The following EBF2 variants were observed in gnomAD, a reference collection of about 807,000 sequenced individuals.
EBF2 encodes the protein EBF transcription factor 2.
A neutral mutation model predicts 72.8 loss-of-function variants in EBF2; 21 were observed. The ratio of observed to expected loss-of-function variants is 0.29; its 90% CI spans 0.20 to 0.42. The LOEUF is 0.42. Among genes scored for constraint, EBF2 ranks in the 10% least tolerant of loss-of-function variants. The pLI, the probability that EBF2 is intolerant of heterozygous loss-of-function variation, is 1.00. For missense variants in EBF2, 637 were observed against 731.2 expected, an observed-to-expected ratio of 0.87 and a Z score of 1.49; for synonymous variants, 299 against 274.2, an observed-to-expected ratio of 1.09 and a Z score of -0.89.
chr8:25,912,370 C>T (rs901318608), intron 6 of EBF2, among the ~76,000 whole-genome samples: 1 of 151,602 alleles, frequency 6.6e-6, no homozygotes, highest in Non-Finnish European at 1.5e-5. Context: ...TAGAAACCAT[C>T]GCATTATACA....
intron 6 of EBF2, among the ~76,000 whole-genome samples, chr8:26,030,046 G>A (rs1805372897): frequency 1.3e-5 from 2 of 152,056 alleles, no homozygotes; most frequent in African/African-American, 4.8e-5. Flanking sequence ...TGAGTATCTA[G>A]GGCCACAGGT....
At position 25,926,242 on chromosome 8, in the gene EBF2, G is replaced by A. The variant is rs187943962; in HGVS notation, c.552-17687C>T. Among the ~76,000 whole-genome samples, 906 of 152,184 alleles carry A rather than the reference G, an allele frequency of 6.0e-3. 4 individuals are homozygous for A. The highest frequency in any genetic ancestry group is 0.011 in the Non-Finnish European group (715 of 68,012). On this transcript the variant is annotated intron_variant, in intron 6 of 15. Transcript: ENST00000520164. ...CGTATGGTGGCCTGGTTGAGAAGTCGAGGGTTTCTGTGTATTCTCTGGCCC... is the reference window on the plus strand; with the variant it reads ...CGTATGGTGGCCTGGTTGAGAAGTCAAGGGTTTCTGTGTATTCTCTGGCCC...
At chr8:25,907,626 C>G (rs1465021314) in intron 7 of EBF2, among the ~76,000 whole-genome samples, 1 of 151,938 alleles carries the variant, frequency 6.6e-6, no homozygotes, top group Non-Finnish European at 1.5e-5. Flanking sequence ...CCTTCCAGAA[C>G]CTCGCTTGTC....
At position 25,847,624 on chromosome 8, in the gene EBF2, C is replaced by A. The variant is rs556020689; in HGVS notation, c.1696+2970G>T. Among the ~76,000 whole-genome samples, 6 of 152,214 alleles carry A rather than the reference C, an allele frequency of 3.9e-5. No homozygotes were observed. In the East Asian group the frequency reaches 1.2e-3, roughly 29 times the overall value. On this transcript the variant is annotated intron_variant, in intron 15 of 15. Transcript: ENST00000520164. ...AACAACCACCTTTGGGGATAGCTGTCGATTTTCTATTTAACAGACTAGGAA... is the reference window on the plus strand; with the variant it reads ...AACAACCACCTTTGGGGATAGCTGTAGATTTTCTATTTAACAGACTAGGAA...
rs1802440752 is a variant in EBF2, at chr8:25,871,613, C to T, written c.1010-8816G>A. On this transcript the variant is annotated intron_variant, in intron 10 of 15. Coordinates refer to ENST00000520164, the MANE Select transcript of EBF2 (RefSeq NM_022659.4). ...GGGAATTCAAGAGAGAAAACTCAGA[C>T]ATGAGAATTTCGTCTTTGCTATACA... Among the ~76,000 whole-genome samples the T allele has an allele frequency of 2.0e-5, 3 of 152,300 alleles. No homozygotes were observed. The South Asian group carries it at 6.2e-4, about 32-fold the overall frequency.
chr8:25,976,603 C>T (rs1804272413), intron 6 of EBF2, among the ~76,000 whole-genome samples: 1 of 151,764 alleles, frequency 6.6e-6, no homozygotes, highest in African/African-American at 2.4e-5. Flanking sequence ...ATGCTCATGC[C>T]TTTTGTATTC....
chr8:25,945,476 G>A (rs1294344492), intron 6 of EBF2, among the ~76,000 whole-genome samples: 3 of 151,952 alleles, frequency 2.0e-5, no homozygotes, highest in Non-Finnish European at 4.4e-5. Flanking sequence ...CACCTGGTTA[G>A]AGAAGTAAAA....
chr8:26,036,220 GA>G (rs1805499007), intron 5 of EBF2, among the ~76,000 whole-genome samples: 1 of 152,188 alleles, frequency 6.6e-6, no homozygotes, highest in Non-Finnish European at 1.5e-5. Flanking sequence ...CTTCCGTGGG[GA>G]TTTCCTCTGG....
In EBF2 at chr8:26,044,759, C is replaced by G; in HGVS notation, c.101G>C (p.Gly34Ala). 6.2e-7 allele frequency: 1 copy of G among 1,614,200 alleles called. No individual in the cohort carries two copies. The highest frequency in any genetic ancestry group is 8.5e-7 in the Non-Finnish European group (1 of 1,180,036). ...DSVRSWVRNV[G>A]VVDANVAAQS... ...CGCGGCGACATTAGCGTCCACCACT[C>G]CGACATTCCGGACCCAGGACCTGAC... The change falls in exon 1 of 16, where the codon GGA becomes GCA. Residue 34 changes from glycine (G) to alanine (A), a missense_variant. By Grantham distance (60) the Gly-to-Ala change is moderately conservative. Transcript: ENST00000520164. The surrounding 1 kb of genome is among the most constrained non-coding windows in gnomAD (Gnocchi z 4.1).
At chr8:25,903,864 A>C (rs553848136) in intron 7 of EBF2, among the ~76,000 whole-genome samples, 27 of 152,338 alleles carry the variant, frequency 1.8e-4, no homozygotes, top group Admixed American at 1.8e-3. Flanking sequence ...TGTTTTGAAC[A>C]CGTGCTCATT....
intron 6 of EBF2, among the ~76,000 whole-genome samples, chr8:25,937,141 G>A (rs1391463949): frequency 1.3e-5 from 2 of 152,172 alleles, no homozygotes; most frequent in Non-Finnish European, 2.9e-5. Context: ...ATCCACCTTT[G>A]GGAGAAATAT....
At position 25,992,319 on chromosome 8, in the gene EBF2, G is replaced by A. The variant is rs186778397; in HGVS notation, c.551+40766C>T. Among the ~76,000 whole-genome samples, 503 of 120,988 alleles carry A rather than the reference G, an allele frequency of 4.2e-3. 2 individuals are homozygous for A. The highest frequency in any genetic ancestry group is 0.015 in the African/African-American group (481 of 32,308). 79.4% of individuals were successfully genotyped at this position (120,988 alleles called of 152,430 possible). ...ATTGCACTCCAGCCTGGGCAACAGC[G>A]TGAGACTCTGTCTCAAAAAAAAAAA... On this transcript the variant is annotated intron_variant, in intron 6 of 15. Transcript: ENST00000520164.
chr8:25,844,399 T>C lies in EBF2; in HGVS notation c.*210A>G. 1.8e-6 allele frequency: 1 copy of C among 557,266 alleles called. No homozygotes were observed. The highest frequency in any genetic ancestry group is 2.4e-5 in the South Asian group (1 of 42,194). The allele number at this position is 557,266 out of a possible 1,614,324, so 34.5% of individuals were successfully genotyped here. ...CTGACTACGTCAATGACATCTTTTG[T>C]CCTTGTCCCAAGAGGGTCAGTTTGT... is the stretch of plus-strand genomic sequence containing the variant. On this transcript the variant is annotated 3_prime_UTR_variant, in exon 16 of 16. Coordinates refer to ENST00000520164, the MANE Select transcript of EBF2 (RefSeq NM_022659.4).
intron 6 of EBF2, among the ~76,000 whole-genome samples, chr8:25,921,869 C>T (rs921615307): frequency 2.6e-5 from 4 of 152,232 alleles, no homozygotes; most frequent in Non-Finnish European, 5.9e-5. Flanking sequence ...CCTGAGCACG[C>T]TCCCATTGAG....
At chr8:25,873,861 C>T (rs17054516) in intron 10 of EBF2, among the ~76,000 whole-genome samples, 17,703 of 152,084 alleles carry the variant, frequency 0.12, 1,823 homozygotes, top group African/African-American at 0.27. Flanking sequence ...ATATTATAGC[C>T]GAGTGTGCCA....
chr8:25,901,170 C>G (rs1483528047), intron 7 of EBF2, among the ~76,000 whole-genome samples: 2 of 152,110 alleles, frequency 1.3e-5, no homozygotes, highest in African/African-American at 2.4e-5. Flanking sequence ...GCAATCTCAG[C>G]ATTTTGAGAG....
intron 6 of EBF2, among the ~76,000 whole-genome samples, chr8:25,993,515 T>C (rs1386505194): frequency 2.6e-5 from 4 of 152,226 alleles, no homozygotes; most frequent in Non-Finnish European, 4.4e-5. Context: ...CCTCCTGGTC[T>C]GAGCCATGCC....
At chr8:25,858,184 A>T in intron 14 of EBF2, 135 bp downstream of exon 14, 1 of 1,099,516 alleles carries the variant, frequency 9.1e-7, no homozygotes, top group East Asian at 2.5e-5. Context: ...GGCAGGAAGG[A>T]TGCTTAATCA....
rs780174786 is a variant in EBF2, at chr8:25,861,277, A to G, written c.1164+32T>C. On this transcript the variant is annotated intron_variant, in intron 12 of 15. Transcript: ENST00000520164. ...CATTCTATCCAGCATAAAGTGCAAA[A>G]CTCAATAAAGGATAGGATGTCAGTA... The G allele has an allele frequency of 3.7e-6, 6 of 1,613,886 alleles. No homozygotes were observed. The African/African-American group carries it at 5.3e-5, about 14-fold the overall frequency.
Sources: allele counts gnomAD v4.1 joint callset (sites outside exome capture counted in the v4.1 genomes callset), GRCh38; gene constraint gnomAD v4.1.1; non-coding constraint Gnocchi (gnomAD v3.1); transcripts MANE v1.5; gene names NCBI Gene and HGNC (gene_info 2026-07-23, HGNC 2026-07-21).